The following AP4S1 variants were observed in gnomAD, a reference collection of about 807,000 sequenced individuals.
The protein encoded by AP4S1 is AP-4 complex subunit sigma-1.
Under a neutral mutation model 19.8 loss-of-function variants are expected in AP4S1, and 23 were observed. That is an observed-to-expected ratio of 1.16 (90% CI 0.84 to 1.65). The LOEUF (loss-of-function observed/expected upper bound fraction) is 1.65, where lower values mean the gene tolerates loss of function less well. AP4S1 is among the 40% of genes most tolerant of loss of function. AP4S1 has a pLI of 0.00. For missense variants in AP4S1, 166 were observed against 172.8 expected, an observed-to-expected ratio of 0.96 and a Z score of 0.22; for synonymous variants, 46 against 54.1, an observed-to-expected ratio of 0.85 and a Z score of 0.66.
At chr14:31,083,999 G>A (rs1887797533) in intron 5 of AP4S1, among the ~76,000 whole-genome samples, 1 of 152,116 alleles carries the variant, frequency 6.6e-6, no homozygotes. Context: ...ATCACTGTGT[G>A]GTAGCATGTA....
At chr14:31,057,232 T>G (rs1237680887) in intron 1 of AP4S1, among the ~76,000 whole-genome samples, 3 of 152,134 alleles carry the variant, frequency 2.0e-5, no homozygotes, top group Admixed American at 6.6e-5. Context: ...ATCTACAAAA[T>G]GAAGGGAATA....
intron 5 of AP4S1, among the ~76,000 whole-genome samples, chr14:31,091,925 A>G (rs1158127873): frequency 6.6e-6 from 1 of 152,244 alleles, no homozygotes; most frequent in Admixed American, 6.5e-5. Flanking sequence ...TAAAACTGAG[A>G]AACATTCATT....
chr14:31,045,902 T>A (rs1012793408), intron 1 of AP4S1, among the ~76,000 whole-genome samples: 2 of 150,978 alleles, frequency 1.3e-5, no homozygotes, highest in Admixed American at 6.6e-5. Context: ...GATGAGAGGA[T>A]CAGAGAGTTG....
intron 5 of AP4S1, among the ~76,000 whole-genome samples, chr14:31,086,903 G>A (rs1268163163): frequency 2.0e-5 from 3 of 151,960 alleles, no homozygotes; most frequent in Non-Finnish European, 4.4e-5. Context: ...CTGTTGCCCA[G>A]GCTTGAGTGC....
intron 2 of AP4S1, 98 bp from the exon 3 acceptor site, chr14:31,069,745 A>G: frequency 2.2e-6 from 2 of 909,128 alleles, no homozygotes; most frequent in South Asian, 2.6e-5. Context: ...ATTTCTAGGA[A>G]TGTTTGTCGG....
Position 31,080,590 on chromosome 14 carries a change from C to A in AP4S1, c.306+6C>A, listed in dbSNP as rs969730915. ...TCTTCCAGAGTGAATTAGATGTATCCTTTTTCAATACTGTTTTCCACAGTA... is the reference window on the plus strand; with the variant it reads ...TCTTCCAGAGTGAATTAGATGTATCATTTTTCAATACTGTTTTCCACAGTA... On this transcript the variant is annotated splice_donor_region_variant and intron_variant, in intron 5 of 5. Transcript: ENST00000542754. 4 of 1,613,440 alleles carry A rather than the reference C, an allele frequency of 2.5e-6. No homozygotes were observed. The highest frequency in any genetic ancestry group is 3.4e-6 in the Non-Finnish European group (4 of 1,179,560).
chr14:31,088,868 T>C (rs1022356518), intron 5 of AP4S1, among the ~76,000 whole-genome samples: 68 of 146,536 alleles, frequency 4.6e-4, no homozygotes, highest in African/African-American at 1.6e-3. Context: ...AGACAAAATG[T>C]GAACAGGGCC....
At chr14:31,082,357 A>G (rs17097708) in intron 5 of AP4S1, among the ~76,000 whole-genome samples, 3,433 of 152,318 alleles carry the variant, frequency 0.023, 121 homozygotes, top group African/African-American at 0.078. Flanking sequence ...TTTTTATTCA[A>G]CATGTAATAT....
chr14:31,055,228 C>T (rs1426884808), intron 1 of AP4S1, among the ~76,000 whole-genome samples: 1 of 151,906 alleles, frequency 6.6e-6, no homozygotes, highest in Non-Finnish European at 1.5e-5. Context: ...AATTGCTTTT[C>T]TGGTAGGAGA....
rs367622422 is a variant in AP4S1 at position 31,025,907 on chromosome 14, C to A, written c.-72+120C>A. The stretch of plus-strand genomic sequence containing the variant: ...CACACCGACCCCAACGAGGTACCTG[C>A]AGTTCGGCCCGTTCCACCTCCCAGT... On this transcript the variant is annotated intron_variant, in intron 1 of 5. Coordinates refer to ENST00000542754, the MANE Select transcript of AP4S1 (RefSeq NM_001128126.3). 1.0e-5 allele frequency: 16 copies of A among 1,600,574 alleles called. No individual in the cohort carries two copies. The African/African-American group carries it at 1.9e-4, about 19-fold the overall frequency.
chr14:31,079,688 T>C (rs1481056030), intron 4 of AP4S1, among the ~76,000 whole-genome samples: 2 of 152,022 alleles, frequency 1.3e-5, no homozygotes, highest in Non-Finnish European at 2.9e-5. Context: ...TAGCCAGGTG[T>C]GGTGGCTCAC....
chr14:31,059,930 A>T (rs185727810), intron 1 of AP4S1, among the ~76,000 whole-genome samples: 1,680 of 146,912 alleles, frequency 0.011, 28 homozygotes, highest in African/African-American at 0.033. Context: ...AGGACAAAAA[A>T]ATATATATAT....
chr14:31,091,309 C>T (rs1175963384), intron 5 of AP4S1, among the ~76,000 whole-genome samples: 1 of 152,102 alleles, frequency 6.6e-6, no homozygotes, highest in East Asian at 1.9e-4. Flanking sequence ...GAAGGTTCTC[C>T]AGGCCATTTT....
chr14:31,089,580 T>C (rs1488973273), intron 5 of AP4S1, among the ~76,000 whole-genome samples: 1 of 152,250 alleles, frequency 6.6e-6, no homozygotes, highest in African/African-American at 2.4e-5. Flanking sequence ...GGTGTTAAAA[T>C]ACTCATGATG....
intron 2 of AP4S1, among the ~76,000 whole-genome samples, chr14:31,066,583 C>T (rs1014973201): frequency 1.3e-5 from 2 of 152,202 alleles, no homozygotes; most frequent in African/African-American, 4.8e-5. Context: ...TGTCTCAATG[C>T]ACCTTGGAAA....
At chr14:31,054,225 A>G (rs1164091272) in intron 1 of AP4S1, among the ~76,000 whole-genome samples, 2 of 152,236 alleles carry the variant, frequency 1.3e-5, no homozygotes, top group Non-Finnish European at 2.9e-5. Flanking sequence ...TCAGTCTGTT[A>G]GCAAGTTCTG....
intron 1 of AP4S1, among the ~76,000 whole-genome samples, chr14:31,064,442 C>T (rs1886608069): frequency 6.6e-6 from 1 of 152,082 alleles, no homozygotes; most frequent in Admixed American, 6.6e-5. Context: ...CTGCCTCAGC[C>T]TTCTGAGTAG....
chr14:31,072,035 G>C (rs1887040606), intron 3 of AP4S1, among the ~76,000 whole-genome samples: 2 of 150,956 alleles, frequency 1.3e-5, no homozygotes, highest in Non-Finnish European at 3.0e-5. Context: ...GATCCTCCTA[G>C]GTTCAAGCAA....
chr14:31,040,174 CAG>C (rs1224004661), intron 1 of AP4S1, among the ~76,000 whole-genome samples: 4 of 127,486 alleles, frequency 3.1e-5, no homozygotes, highest in Non-Finnish European at 4.8e-5. Context: ...TTTCCTGAGA[CAG>C]GGTCTCGTTC....
Sources: allele counts gnomAD v4.1 joint callset (sites outside exome capture counted in the v4.1 genomes callset), GRCh38; gene constraint gnomAD v4.1.1; transcripts MANE v1.5; gene names NCBI Gene and HGNC (gene_info 2026-07-23, HGNC 2026-07-21).